CSMD2: variants seen among roughly 807,000 people sequenced by gnomAD.
CSMD2 encodes CUB and sushi domain-containing protein 2.
In CSMD2, 130 loss-of-function variants were observed where a neutral mutation model predicts 398.5. The ratio of observed to expected loss-of-function variants is 0.33; its 90% CI spans 0.28 to 0.38. The LOEUF (loss-of-function observed/expected upper bound fraction) is 0.38. Ranked by LOEUF, CSMD2 falls within the 10% of genes least tolerant of loss-of-function variation. CSMD2 has a pLI of 1.00. For synonymous variants in CSMD2, 1,828 were observed against 1,908.5 expected (o/e 0.96, Z 1.10); for missense variants, 3,829 against 4,764.9 (o/e 0.80, Z 5.78).
chr1:33,539,182 G>A (rs568702203), intron 60 of CSMD2, among the ~76,000 whole-genome samples: 1 of 152,158 alleles, frequency 6.6e-6, no homozygotes, highest in South Asian at 2.1e-4. Context: ...TAGCCAGGAC[G>A]GTCTCAATCT....
chr1:33,616,844 C>G, intron 39 of CSMD2, 62 bp downstream of exon 39: 1 of 1,310,668 alleles, frequency 7.6e-7, no homozygotes, highest in Non-Finnish European at 1.1e-6. Flanking sequence ...TGATACACTA[C>G]TGAGCTAAGA....
intron 5 of CSMD2, among the ~76,000 whole-genome samples, chr1:33,887,616 G>GA (rs931125616): frequency 2.7e-4 from 41 of 152,172 alleles, no homozygotes; most frequent in African/African-American, 8.4e-4. Flanking sequence ...TATAATGGGA[G>GA]AAAAAACTCT....
intron 22 of CSMD2, among the ~76,000 whole-genome samples, chr1:33,707,695 G>GCACACACACA (rs200504764): frequency 1.7e-3 from 160 of 92,078 alleles, no homozygotes; most frequent in Middle Eastern, 4.7e-3. Flanking sequence ...GCGCGCGCGC[G>GCACACACACA]CACACACACA....
At chr1:34,036,121 GA>G (rs896937022) in intron 2 of CSMD2, among the ~76,000 whole-genome samples, 6 of 147,132 alleles carry the variant, frequency 4.1e-5, no homozygotes, top group Admixed American at 1.4e-4. Context: ...GTTTCTTTAA[GA>G]AAAAAAAAAC....
chr1:33,559,455 G>A lies in CSMD2; in HGVS notation c.8399C>T (p.Pro2800Leu). The A allele has an allele frequency of 3.9e-6, 6 of 1,536,150 alleles. No homozygotes were observed. The highest frequency in any genetic ancestry group is 5.2e-6 in the Non-Finnish European group (6 of 1,146,894). ...AGTGAGGCCGTTGACAGGGTTGCCTGGGTGTCCACAGGTAATTGCTGTAAC... is the reference window on the plus strand; with the variant it reads ...AGTGAGGCCGTTGACAGGGTTGCCTAGGTGTCCACAGGTAATTGCTGTAAC... ...PFCVPITCGH[P>L]GNPVNGLTQG... The change falls in exon 54 of 71, where the codon CCA becomes CTA. Residue 2800 changes from proline to leucine, a missense_variant. Coordinates refer to ENST00000373381, the MANE Select transcript of CSMD2 (RefSeq NM_001281956.2). The surrounding 1 kb of genome is among the most constrained non-coding windows in gnomAD (Gnocchi z 4.0).
chr1:33,679,671 A>G (rs971812218), intron 25 of CSMD2, among the ~76,000 whole-genome samples: 9 of 152,238 alleles, frequency 5.9e-5, no homozygotes, highest in African/African-American at 2.2e-4. Context: ...ATCAAATGGT[A>G]AAATCACCTA....
chr1:33,727,972 G>A (rs193208446), intron 15 of CSMD2, among the ~76,000 whole-genome samples: 10 of 152,264 alleles, frequency 6.6e-5, no homozygotes, highest in South Asian at 2.1e-4. Flanking sequence ...GCTTACATAC[G>A]TAATCATGTT....
intron 12 of CSMD2, among the ~76,000 whole-genome samples, chr1:33,776,252 G>A (rs1416325836): frequency 6.6e-6 from 1 of 152,318 alleles, no homozygotes; most frequent in East Asian, 1.9e-4. Flanking sequence ...AGGGGCTCCA[G>A]AGAAGGAGAG....
At position 33,943,363 on chromosome 1, in the gene CSMD2, G is replaced by A. The variant is rs113627777; in HGVS notation, c.518-7409C>T. On this transcript the variant is annotated intron_variant, in intron 3 of 70. Coordinates refer to ENST00000373381, the MANE Select transcript of CSMD2 (RefSeq NM_001281956.2). ...TCTTCATCTGGCAAACTCCATCAAA[G>A]CCACACTTAAATGTCACCTCCTCCG... 5.5e-3 allele frequency among the ~76,000 whole-genome samples: 830 copies of A among 152,134 alleles called. 4 individuals carry two copies. Among genetic ancestry groups the A allele is most frequent in the Non-Finnish European group, 7.2e-3 (491 of 68,006 alleles).
intron 42 of CSMD2, 76 bp downstream of exon 42, chr1:33,605,206 T>G: frequency 7.3e-7 from 1 of 1,375,362 alleles, no homozygotes; most frequent in Non-Finnish European, 1.0e-6. Flanking sequence ...AGCAGGTAGG[T>G]GGAACATGGG....
chr1:33,972,119 C>T (rs1485686835), intron 3 of CSMD2, among the ~76,000 whole-genome samples: 2 of 152,028 alleles, frequency 1.3e-5, no homozygotes, highest in African/African-American at 2.4e-5. Flanking sequence ...ACTGCAGAAA[C>T]GGACTCCCTG....
At chr1:33,863,627 A>C (rs1278554558) in intron 5 of CSMD2, 5 of 152,864 alleles carry the variant, frequency 3.3e-5, no homozygotes, top group Admixed American at 3.3e-4. Flanking sequence ...ATGAGCTGCC[A>C]CTGTTCAAGG....
intron 70 of CSMD2, among the ~76,000 whole-genome samples, chr1:33,517,258 C>A (rs1463535147): frequency 6.6e-6 from 1 of 152,172 alleles, no homozygotes; most frequent in African/African-American, 2.4e-5. Context: ...GTCAGAGGGG[C>A]CCTGCTGGAG....
At chr1:33,648,885 T>C (rs779621417) in intron 28 of CSMD2, among the ~76,000 whole-genome samples, 1 of 152,248 alleles carries the variant, frequency 6.6e-6, no homozygotes, top group Non-Finnish European at 1.5e-5. Flanking sequence ...CACCCATTTT[T>C]TCTTCCGTTA....
At chr1:33,811,086 T>C (rs1451920851) in intron 9 of CSMD2, among the ~76,000 whole-genome samples, 2 of 152,084 alleles carry the variant, frequency 1.3e-5, no homozygotes, top group Non-Finnish European at 1.5e-5. Flanking sequence ...GATGAACTTC[T>C]AAGGCAGGCT....
intron 3 of CSMD2, among the ~76,000 whole-genome samples, chr1:34,009,868 G>T (rs1234650239): frequency 6.6e-6 from 1 of 152,024 alleles, no homozygotes; most frequent in Admixed American, 6.6e-5. Flanking sequence ...CCATTCCCAT[G>T]GCCATTATCC....
At chr1:34,073,480 A>C (rs1558337396) in intron 2 of CSMD2, among the ~76,000 whole-genome samples, 1 of 152,210 alleles carries the variant, frequency 6.6e-6, no homozygotes. Flanking sequence ...TTGGACACAC[A>C]CCAAACTGTT....
At chr1:33,750,274 C>G (rs757973018) in intron 13 of CSMD2, among the ~76,000 whole-genome samples, 22 of 151,994 alleles carry the variant, frequency 1.4e-4, no homozygotes, top group Admixed American at 1.2e-3. Context: ...CAGGTGAAAA[C>G]AGCCGAGCTC....
At chr1:33,969,999 G>T (rs1645698311) in intron 3 of CSMD2, among the ~76,000 whole-genome samples, 1 of 151,970 alleles carries the variant, frequency 6.6e-6, no homozygotes, top group Non-Finnish European at 1.5e-5. Flanking sequence ...CCAGCTACTT[G>T]GGAGGCTGAG....
Sources: allele counts gnomAD v4.1 joint callset (sites outside exome capture counted in the v4.1 genomes callset), GRCh38; gene constraint gnomAD v4.1.1; non-coding constraint Gnocchi (gnomAD v3.1); transcripts MANE v1.5; gene names NCBI Gene and HGNC (gene_info 2026-07-23, HGNC 2026-07-21).